DLGAP2: variants seen among roughly 807,000 people sequenced by gnomAD.
DLGAP2 encodes the protein DLG associated protein 2, also known as disks large-associated protein 2.
A neutral mutation model predicts 100.3 loss-of-function variants in DLGAP2; 26 were observed. The observed-to-expected ratio is 0.26, with a 90% confidence interval of 0.19 to 0.36. The LOEUF (loss-of-function observed/expected upper bound fraction) is 0.36. Among genes scored for constraint, DLGAP2 ranks in the 10% least tolerant of loss-of-function variants. The pLI is 1.00. For missense variants in DLGAP2, 1,858 were observed against 1,453.2 expected, an observed-to-expected ratio of 1.28 and a Z score of -4.53; for synonymous variants, 886 against 630.1, an observed-to-expected ratio of 1.41 and a Z score of -6.08.
At chr8:845,893 T>A (rs562641967) in intron 1 of DLGAP2, among the ~76,000 whole-genome samples, 2 of 152,382 alleles carry the variant, frequency 1.3e-5, no homozygotes, top group South Asian at 4.1e-4. Flanking sequence ...CCAGCTTTCC[T>A]GGTACCATCT....
At chr8:1,168,135 G>T (rs369456394) in intron 2 of DLGAP2, among the ~76,000 whole-genome samples, 12 of 146,458 alleles carry the variant, frequency 8.2e-5, no homozygotes, top group African/African-American at 2.8e-4. Context: ...TGCGGTGTTT[G>T]GTTTTTTGTT....
intron 14 of DLGAP2, 116 bp downstream of exon 14, chr8:1,697,415 A>G (rs1276888496): frequency 1.1e-5 from 16 of 1,425,432 alleles, no homozygotes; most frequent in Non-Finnish European, 1.5e-5. Context: ...GCAACACACG[A>G]GCAAATTTCC....
At chr8:1,481,641 GC>G (rs1166509827) in intron 3 of DLGAP2, among the ~76,000 whole-genome samples, 2 of 151,746 alleles carry the variant, frequency 1.3e-5, no homozygotes, top group Non-Finnish European at 2.9e-5. Context: ...ACCACGCCCG[GC>G]TAATTTTGTA....
At chr8:1,634,132 C>G (rs532752556) in intron 8 of DLGAP2, among the ~76,000 whole-genome samples, 14 of 152,330 alleles carry the variant, frequency 9.2e-5, no homozygotes, top group Admixed American at 7.8e-4. Context: ...TCCATCATGT[C>G]CTCGCTGCAA....
chr8:1,181,451 A>C (rs1225063971), intron 2 of DLGAP2, among the ~76,000 whole-genome samples: 3 of 152,186 alleles, frequency 2.0e-5, no homozygotes, highest in African/African-American at 7.2e-5. Context: ...CATTCTTTTT[A>C]GTGGCTGCAT....
chr8:773,408 A>C (rs914651208), intron 1 of DLGAP2, among the ~76,000 whole-genome samples: 1 of 151,760 alleles, frequency 6.6e-6, no homozygotes, highest in African/African-American at 2.4e-5. Flanking sequence ...CAGGTTAGTT[A>C]CATATGTATA....
In DLGAP2 at chr8:1,263,862, G is replaced by T. The variant is rs571468839; in HGVS notation, c.106+4979G>T. On this transcript the variant is annotated intron_variant, in intron 3 of 14. Transcript: ENST00000637795. ...TTAATTGAATGCTTTGTATAAAAAT[G>T]ATCTTTTCTGATTGCTATTTGTGGT... 2.1e-4 allele frequency among the ~76,000 whole-genome samples: 32 copies of T among 152,170 alleles called. No homozygotes were observed. In the South Asian group the frequency reaches 6.2e-3, roughly 30 times the overall value.
chr8:1,019,031 A>G (rs1423017399), intron 2 of DLGAP2: 1 of 152,152 alleles, frequency 6.6e-6, no homozygotes, highest in African/African-American at 2.4e-5. Flanking sequence ...GGAGGCAGCG[A>G]CTGAGAAGGT....
intron 3 of DLGAP2, among the ~76,000 whole-genome samples, chr8:1,341,368 A>G (rs1045693341): frequency 3.9e-5 from 6 of 152,178 alleles, no homozygotes; most frequent in East Asian, 1.9e-4. Flanking sequence ...TTCTTTTTGC[A>G]GTACATTTAA....
chr8:1,140,989 A>G (rs1183357813), intron 2 of DLGAP2, among the ~76,000 whole-genome samples: 3 of 152,194 alleles, frequency 2.0e-5, no homozygotes, highest in Non-Finnish European at 4.4e-5. Context: ...TCTCAAAAAT[A>G]GATAAAAATG....
intron 3 of DLGAP2, among the ~76,000 whole-genome samples, chr8:1,463,550 G>T (rs1394534303): frequency 6.6e-6 from 1 of 152,246 alleles, no homozygotes; most frequent in African/African-American, 2.4e-5. Flanking sequence ...GCCCCGGGTG[G>T]CCCCGAGCTG....
intron 1 of DLGAP2, among the ~76,000 whole-genome samples, chr8:813,371 A>C (rs1319362579): frequency 6.6e-6 from 1 of 152,154 alleles, no homozygotes; most frequent in African/African-American, 2.4e-5. Flanking sequence ...TCATATAAAC[A>C]CTTGTATTTT....
In DLGAP2 at chr8:1,517,364, A is replaced by G. The variant is rs938522230; in HGVS notation, c.172+15933A>G. On this transcript the variant is annotated intron_variant, in intron 4 of 14. Coordinates refer to ENST00000637795, the MANE Select transcript of DLGAP2 (RefSeq NM_001346810.2). ...GTGGAGCCCAGGAGGAGCAGAGAGC[A>G]CGCCATGAGGGAGGGGCCGTGGTGA... Among the ~76,000 whole-genome samples, 3 of 152,170 alleles carry G rather than the reference A, an allele frequency of 2.0e-5. No homozygotes were observed. In the South Asian group the frequency reaches 6.2e-4, roughly 32 times the overall value.
chr8:1,019,718 C>G (rs953574326), intron 2 of DLGAP2: 1 of 152,166 alleles, frequency 6.6e-6, no homozygotes, highest in Non-Finnish European at 1.5e-5. Flanking sequence ...ATGTCTCTAT[C>G]AGACTCTGAT....
intron 2 of DLGAP2, among the ~76,000 whole-genome samples, chr8:1,164,207 A>G: frequency 7.8e-6 from 1 of 127,690 alleles, no homozygotes. Flanking sequence ...GTGAGCCCCC[A>G]GGGCCCGTCA....
intron 1 of DLGAP2, among the ~76,000 whole-genome samples, chr8:766,456 G>T (rs1287390849): frequency 6.6e-6 from 1 of 152,188 alleles, no homozygotes; most frequent in African/African-American, 2.4e-5. Context: ...ATGTCCTCCG[G>T]AATTGAACTC....
chr8:1,147,445 G>A (rs1051026547), intron 2 of DLGAP2, among the ~76,000 whole-genome samples: 7 of 151,538 alleles, frequency 4.6e-5, no homozygotes, highest in African/African-American at 1.5e-4. Context: ...GTCTGCAAAT[G>A]CCAGTTTTAT....
chr8:1,293,422 C>T (rs1033825823), intron 3 of DLGAP2, among the ~76,000 whole-genome samples: 1 of 152,160 alleles, frequency 6.6e-6, no homozygotes, highest in African/African-American at 2.4e-5. Flanking sequence ...GGCTGGGCTC[C>T]CGGACAGCTG....
intron 3 of DLGAP2, among the ~76,000 whole-genome samples, chr8:1,486,665 C>T (rs1799243728): frequency 1.3e-5 from 2 of 152,186 alleles, no homozygotes; most frequent in Admixed American, 1.3e-4. Context: ...CTTGCTCTTC[C>T]AACTCTAAAT....
Sources: gnomAD v4.1 joint callset for allele counts (sites outside exome capture counted in the v4.1 genomes callset) on GRCh38, gnomAD v4.1.1 for gene constraint, MANE v1.5 for transcripts, NCBI Gene and HGNC (gene_info 2026-07-23, HGNC 2026-07-21) for gene names.